RNF4: variants seen among roughly 807,000 people sequenced by gnomAD.
The protein encoded by RNF4 is E3 ubiquitin-protein ligase RNF4.
Under a neutral mutation model 24.3 loss-of-function variants are expected in RNF4, and 7 were observed. The observed-to-expected ratio is 0.29, with a 90% CI of 0.16 to 0.54. The LOEUF (loss-of-function observed/expected upper bound fraction) is 0.54, where lower values mean the gene tolerates loss of function less well. Ranked by LOEUF, RNF4 falls within the 20% of genes least tolerant of loss-of-function variation. The probability of loss-of-function intolerance (pLI) is 0.95; values close to 1 mark genes in which losing one functional copy is unlikely to be tolerated. For synonymous variants in RNF4, 83 were observed against 84.3 expected (o/e 0.98, Z 0.09); for missense variants, 209 against 248.5 (o/e 0.84, Z 1.07).
chr4:2,472,601 TAAAAAA>T (rs80169458), intron 1 of RNF4, among the ~76,000 whole-genome samples: 47 of 135,582 alleles, frequency 3.5e-4, no homozygotes, highest in Middle Eastern at 3.4e-3. Context: ...GCCAGTCTCT[TAAAAAA>T]AAAAAAAAAA....
At chr4:2,477,877 C>G (rs990426044) in intron 1 of RNF4, among the ~76,000 whole-genome samples, 1 of 152,150 alleles carries the variant, frequency 6.6e-6, no homozygotes, top group Non-Finnish European at 1.5e-5. Context: ...AACAGCTTTG[C>G]AACTGGGTAG....
intron 1 of RNF4, 116 bp from the exon 2 acceptor site, chr4:2,490,221 C>T (rs114655185): frequency 2.6e-4 from 104 of 405,520 alleles, no homozygotes; most frequent in African/African-American, 1.7e-3. Context: ...GATGTCATTG[C>T]GTGAAATAGT....
chr4:2,497,164 G>C (rs1189953625), intron 3 of RNF4, 43 bp downstream of exon 3: 1 of 1,456,302 alleles, frequency 6.9e-7, no homozygotes, highest in Non-Finnish European at 9.5e-7. Context: ...TGTTAAAGTG[G>C]AGAGAGAACA....
rs1186582853 is a variant in RNF4 at position 2,514,358 on chromosome 4, A to T, written c.*539A>T. 1 of 160,072 alleles carries T rather than the reference A, an allele frequency of 6.2e-6. No individual in the cohort carries two copies. Among genetic ancestry groups the T allele is most frequent in the Non-Finnish European group, 1.4e-5 (1 of 71,824 alleles). The allele number at this position is 160,072 out of a possible 1,614,324, so 9.9% of individuals were successfully genotyped here. On this transcript the variant is annotated 3_prime_UTR_variant, in exon 8 of 8. Coordinates refer to ENST00000314289, the MANE Select transcript of RNF4 (RefSeq NM_002938.5). The stretch of plus-strand genomic sequence containing the variant: ...TCACCCGTGATTCTGCCTGCACCTT[A>T]TCATTGATCTGCAGTGATTTCTGCA...
chr4:2,503,817 C>A (rs1735987440), intron 4 of RNF4, among the ~76,000 whole-genome samples: 1 of 152,170 alleles, frequency 6.6e-6, no homozygotes, highest in African/African-American at 2.4e-5. Flanking sequence ...ACCTTCCTTA[C>A]CAGTTCCGCC....
intron 4 of RNF4, among the ~76,000 whole-genome samples, chr4:2,501,890 C>G (rs1318034719): frequency 1.3e-5 from 2 of 152,170 alleles, no homozygotes; most frequent in Admixed American, 1.3e-4. Context: ...TAGGGTTATA[C>G]TGAGAAGTTT....
intron 1 of RNF4, among the ~76,000 whole-genome samples, chr4:2,472,500 G>A (rs889161888): frequency 2.0e-5 from 3 of 150,510 alleles, no homozygotes; most frequent in Non-Finnish European, 3.0e-5. Flanking sequence ...GCCTGTACTC[G>A]CAGCACTTCG....
chr4:2,505,295 A>G (rs1413633925), intron 4 of RNF4: 1 of 148,190 alleles, frequency 6.7e-6, no homozygotes, highest in Non-Finnish European at 1.5e-5. Flanking sequence ...AATTTTCTCC[A>G]CCACTTCTTT....
chr4:2,503,279 G>C (rs540635406), intron 4 of RNF4, among the ~76,000 whole-genome samples: 1 of 152,312 alleles, frequency 6.6e-6, no homozygotes, highest in Non-Finnish European at 1.5e-5. Context: ...CATGTTGGCA[G>C]TCCTACTCCC....
Position 2,513,063 on chromosome 4 carries a change from G to C in RNF4, c.375-20G>C. On this transcript the variant is annotated intron_variant, in intron 6 of 7. Coordinates refer to ENST00000314289, the MANE Select transcript of RNF4 (RefSeq NM_002938.5). ...TGTTTGCGTTGACTGAGAAACTAAC[G>C]TGAAGCACTGTGCTCTTAGGCCCTC... 6.2e-7 allele frequency: 1 copy of C among 1,612,896 alleles called. No individual in the cohort carries two copies. The highest frequency in any genetic ancestry group is 1.1e-5 in the South Asian group (1 of 91,070).
intron 3 of RNF4, among the ~76,000 whole-genome samples, chr4:2,498,099 C>T (rs1221101156): frequency 6.6e-6 from 1 of 152,164 alleles, no homozygotes; most frequent in South Asian, 2.1e-4. Context: ...CAAAAAGGAA[C>T]GAACTGCTTT....
chr4:2,512,406 C>A lies in RNF4; in HGVS notation c.215-32C>A. 6.3e-7 allele frequency: 1 copy of A among 1,584,138 alleles called. No homozygotes were observed. Among genetic ancestry groups the A allele is most frequent in the Non-Finnish European group, 8.6e-7 (1 of 1,165,366 alleles). On this transcript the variant is annotated intron_variant, in intron 5 of 7. Transcript: ENST00000314289. This position sits in a 1 kb window ranked among gnomAD's most constrained non-coding sequence, Gnocchi z 4.1. ...GGTGAGGATGGTAAGAGTAGAGAGC[C>A]TCCAACCTGAAAATGTGACCTCTTA...
chr4:2,502,596 C>T (rs1333957877), intron 4 of RNF4, among the ~76,000 whole-genome samples: 1 of 151,184 alleles, frequency 6.6e-6, no homozygotes, highest in Non-Finnish European at 1.5e-5. Flanking sequence ...CGCTTGAACC[C>T]AGGAATCAGA....
intron 1 of RNF4, among the ~76,000 whole-genome samples, chr4:2,477,326 C>T (rs1310178725): frequency 6.6e-6 from 1 of 152,064 alleles, no homozygotes; most frequent in African/African-American, 2.4e-5. Context: ...GTGGCTGATG[C>T]CTGTAATCCC....
intron 1 of RNF4, among the ~76,000 whole-genome samples, chr4:2,482,891 A>T (rs1381219417): frequency 6.6e-6 from 1 of 152,114 alleles, no homozygotes; most frequent in Non-Finnish European, 1.5e-5. Flanking sequence ...ACCTCCTCTG[A>T]GTCCTGTTCT....
intron 4 of RNF4, among the ~76,000 whole-genome samples, chr4:2,502,971 C>T (rs770186024): frequency 3.9e-5 from 6 of 152,166 alleles, no homozygotes; most frequent in Admixed American, 1.3e-4. Flanking sequence ...CCACATTATC[C>T]TCCTGAGTAG....
intron 1 of RNF4, among the ~76,000 whole-genome samples, chr4:2,478,844 G>A (rs972122320): frequency 6.6e-6 from 1 of 152,228 alleles, no homozygotes; most frequent in Non-Finnish European, 1.5e-5. Flanking sequence ...GCACCACCTG[G>A]TAGAGCTGTG....
intron 3 of RNF4, among the ~76,000 whole-genome samples, chr4:2,499,879 G>A (rs1047804904): frequency 4.6e-5 from 7 of 152,090 alleles, no homozygotes; most frequent in Non-Finnish European, 5.9e-5. Context: ...GTCCTTGGCC[G>A]GGCACGGTGG....
chr4:2,513,635 C>T, intron 7 of RNF4, 35 bp from the exon 8 acceptor site: 1 of 1,610,520 alleles, frequency 6.2e-7, no homozygotes, highest in Non-Finnish European at 8.5e-7. Context: ...GGGACAAGGG[C>T]AAACTCGGAG....
Sources: gnomAD v4.1 joint callset for allele counts (sites outside exome capture counted in the v4.1 genomes callset) on GRCh38, gnomAD v4.1.1 for gene constraint, Gnocchi (gnomAD v3.1) non-coding constraint, MANE v1.5 for transcripts, NCBI Gene and HGNC (gene_info 2026-07-23, HGNC 2026-07-21) for gene names.